RUFY2: variants seen among roughly 807,000 people sequenced by gnomAD.
RUFY2 encodes the protein RUN and FYVE domain containing 2.
RUFY2 carries 49 observed loss-of-function variants against 94.4 expected under a neutral mutation model. The ratio of observed to expected loss-of-function variants is 0.52; its 90% CI spans 0.41 to 0.66. The LOEUF (loss-of-function observed/expected upper bound fraction) is 0.66, where lower values mean the gene tolerates loss of function less well. Ranked by LOEUF, RUFY2 falls within the 30% of genes least tolerant of loss-of-function variation. The pLI, the probability that RUFY2 is intolerant of heterozygous loss-of-function variation, is 0.00. For missense variants in RUFY2, 541 were observed against 692.8 expected (o/e 0.78, Z 2.46); for synonymous variants, 255 against 235.7 (o/e 1.08, Z -0.75).
intron 15 of RUFY2, among the ~76,000 whole-genome samples, chr10:68,362,085 G>C (rs1251278161): frequency 1.3e-5 from 2 of 152,142 alleles, no homozygotes; most frequent in South Asian, 2.1e-4. Context: ...AGCACTTTGG[G>C]AGGCTGAGGC....
chr10:68,384,334 A>C (rs1589922250), intron 8 of RUFY2, among the ~76,000 whole-genome samples, 182 bp from the exon 9 acceptor site: 2 of 152,220 alleles, frequency 1.3e-5, no homozygotes, highest in Non-Finnish European at 2.9e-5. Flanking sequence ...ACCAATTTTA[A>C]AAATTATACT....
At chr10:68,346,247 G>C in intron 16 of RUFY2, 163 bp from the exon 17 acceptor site, 1 of 598,880 alleles carries the variant, frequency 1.7e-6, no homozygotes, top group South Asian at 2.2e-5. Flanking sequence ...TATGGAATTA[G>C]CCTCAAAATA....
At chr10:68,405,816 C>G in intron 1 of RUFY2, 1 of 537,644 alleles carries the variant, frequency 1.9e-6, no homozygotes, top group Non-Finnish European at 2.4e-6. Context: ...ATTAATGTTC[C>G]TCACCCATCC....
chr10:68,351,593 G>A (rs2046679370), intron 16 of RUFY2, among the ~76,000 whole-genome samples: 1 of 151,404 alleles, frequency 6.6e-6, no homozygotes. Context: ...GGGACTACAG[G>A]TGCGTGCCAC....
intron 4 of RUFY2, 143 bp from the exon 5 acceptor site, chr10:68,394,594 C>A (rs1023251354): frequency 4.9e-6 from 2 of 404,450 alleles, no homozygotes; most frequent in Admixed American, 8.3e-5. Flanking sequence ...AGCCTTTATA[C>A]GTGTGAATAA....
chr10:68,381,499 T>C, intron 10 of RUFY2, 100 bp from the exon 11 acceptor site: 1 of 1,102,570 alleles, frequency 9.1e-7, no homozygotes. Context: ...GACTACACCT[T>C]TTAAGTCCAC....
Position 68,396,649 on chromosome 10 carries a change from T to G in RUFY2, c.398+131A>C, listed in dbSNP as rs2050415265. ...TCTATCATGTTTTTCTGTCTCATTT[T>G]GCTCCTCCTCTTATTTTATATCATT... is the stretch of plus-strand genomic sequence containing the variant. On this transcript the variant is annotated intron_variant, in intron 4 of 17. Coordinates refer to ENST00000602465, the MANE Select transcript of RUFY2 (RefSeq NM_001330103.2). The G allele has an allele frequency of 1.3e-5, 7 of 540,684 alleles. No individual in the cohort carries two copies. The East Asian group carries it at 1.8e-4, about 14-fold the overall frequency. The allele number at this position is 540,684 out of a possible 1,614,324, so 33.5% of individuals were successfully genotyped here. A position where few individuals can be genotyped will look rare whatever the true frequency, so the allele number is the denominator to read the frequency against.
intron 16 of RUFY2, among the ~76,000 whole-genome samples, chr10:68,348,161 GAGTC>G (rs1414413938): frequency 1.3e-5 from 2 of 151,052 alleles, no homozygotes; most frequent in African/African-American, 4.9e-5. Flanking sequence ...CACCAGCAAA[GAGTC>G]AGATAGCTTG....
intron 7 of RUFY2, among the ~76,000 whole-genome samples, chr10:68,388,489 A>G (rs1450620858): frequency 6.6e-6 from 1 of 152,084 alleles, no homozygotes; most frequent in Non-Finnish European, 1.5e-5. Flanking sequence ...TTTTTTCTAT[A>G]TGTTTTCTAT....
At chr10:68,392,980 T>A (rs1341970676) in intron 7 of RUFY2, among the ~76,000 whole-genome samples, 158 bp downstream of exon 7, 13 of 151,466 alleles carry the variant, frequency 8.6e-5, no homozygotes, top group Admixed American at 8.6e-4. Context: ...AAATGAATTA[T>A]CTCCAATAAT....
intron 15 of RUFY2, among the ~76,000 whole-genome samples, chr10:68,357,846 T>TCTTTCAA (rs1474340478): frequency 2.5e-4 from 38 of 152,294 alleles, no homozygotes; most frequent in African/African-American, 8.4e-4. Context: ...CTACTGTTGA[T>TCTTTCAA]CTTTCAACTT....
chr10:68,381,192 T>G, intron 11 of RUFY2, 40 bp downstream of exon 11: 1 of 1,510,448 alleles, frequency 6.6e-7, no homozygotes, highest in Non-Finnish European at 9.0e-7. Context: ...AAATATTCAC[T>G]TTCAATTTAC....
chr10:68,405,342 GAAAGAAAA>G, intron 1 of RUFY2: 1 of 328,284 alleles, frequency 3.0e-6, no homozygotes, highest in Non-Finnish European at 4.3e-6. Flanking sequence ...AAGAAAGAAA[GAAAGAAAA>G]AAGAAAATTT....
chr10:68,407,016 C>A, intron 1 of RUFY2, 170 bp downstream of exon 1: 2 of 1,491,706 alleles, frequency 1.3e-6, no homozygotes, highest in South Asian at 2.7e-5. Context: ...GTTGCCATGA[C>A]GACCCCGGGA....
chr10:68,399,020 T>C (rs111787380), intron 3 of RUFY2, among the ~76,000 whole-genome samples: 4 of 152,188 alleles, frequency 2.6e-5, no homozygotes, highest in African/African-American at 7.2e-5. Flanking sequence ...TGTGAACAAA[T>C]ATCATTTGAT....
rs2046213086 is a variant in RUFY2 at position 68,345,424 on chromosome 10, C to T, written c.*344G>A. 1 of 400,406 alleles carries T rather than the reference C, an allele frequency of 2.5e-6. No individual in the cohort carries two copies. The highest frequency in any genetic ancestry group is 2.1e-5 in the African/African-American group (1 of 48,614). The allele number at this position is 400,406 out of a possible 1,614,324, so 24.8% of individuals were successfully genotyped here. ...GCTTTAAAGTGCATTAAGAGAACTG[C>T]AGGCACCATCAAATACCAAATTGAC... On this transcript the variant is annotated 3_prime_UTR_variant, in exon 18 of 18. Coordinates refer to ENST00000602465, the MANE Select transcript of RUFY2 (RefSeq NM_001330103.2).
intron 14 of RUFY2, 141 bp from the exon 15 acceptor site, chr10:68,363,825 T>C: frequency 1.2e-6 from 1 of 823,530 alleles, no homozygotes; most frequent in Non-Finnish European, 1.8e-6. Context: ...CTTTCCTAGC[T>C]GCTGTATCAA....
At chr10:68,394,563 T>C (rs1226444540) in intron 4 of RUFY2, 112 bp from the exon 5 acceptor site, 4 of 677,206 alleles carry the variant, frequency 5.9e-6, no homozygotes. Context: ...GGAAGCCATC[T>C]CAGTTAGGTG....
chr10:68,373,537 C>A (rs1227375266), intron 13 of RUFY2, among the ~76,000 whole-genome samples: 1 of 152,020 alleles, frequency 6.6e-6, no homozygotes, highest in African/African-American at 2.4e-5. Flanking sequence ...GAGGCTGAGG[C>A]AGAGGAATCA....
Sources: gnomAD v4.1 joint callset for allele counts (sites outside exome capture counted in the v4.1 genomes callset) on GRCh38, gnomAD v4.1.1 for gene constraint, MANE v1.5 for transcripts, NCBI Gene and HGNC (gene_info 2026-07-23, HGNC 2026-07-21) for gene names.